The following CRACDL variants were observed in gnomAD, a reference collection of about 807,000 sequenced individuals.
The protein encoded by CRACDL is CRACD like.
CRACDL carries 26 observed loss-of-function variants against 70.6 expected under a neutral mutation model. That is an observed-to-expected ratio of 0.37 (90% CI 0.27 to 0.51). The LOEUF is 0.51. CRACDL is among the 20% of genes least tolerant of loss of function. The probability of loss-of-function intolerance (pLI) is 0.94; values close to 1 mark genes in which losing one functional copy is unlikely to be tolerated. For synonymous variants in CRACDL, 618 were observed against 615.2 expected (o/e 1.00, Z -0.07); for missense variants, 1,283 against 1,376.9 (o/e 0.93, Z 1.08).
rs764549314 is a variant in CRACDL at position 98,827,145 on chromosome 2, C to G, written c.565G>C (p.Val189Leu). ...IKVSVVSPDH[V>L]SDSTVSARIS... ...CGGGCAGAGACGGTGCTGTCGCTCA[C>G]GTGGTCTGGAGACACGACAGAGACC... Residue 189 changes from valine (V) to leucine (L), a missense_variant, in exon 6 of 10, where the codon GTG becomes CTG. By Grantham distance (32) the Val-to-Leu change is conservative. Transcript: ENST00000397899. 6.2e-7 allele frequency: 1 copy of G among 1,614,080 alleles called. No homozygotes were observed. The highest frequency in any genetic ancestry group is 1.7e-5 in the Admixed American group (1 of 60,012).
chr2:98,909,632 C>T (rs1708496182), intron 1 of CRACDL, among the ~76,000 whole-genome samples: 1 of 152,202 alleles, frequency 6.6e-6, no homozygotes, highest in Non-Finnish European at 1.5e-5. Context: ...TGCTGCTGAC[C>T]CGCCTGCTCT....
At chr2:98,836,536 G>C (rs961033546) in intron 3 of CRACDL, among the ~76,000 whole-genome samples, 30 of 152,120 alleles carry the variant, frequency 2.0e-4, no homozygotes, top group African/African-American at 6.8e-4. Flanking sequence ...CCTGTGACAG[G>C]GAGGACATCA....
At chr2:98,879,407 C>G (rs1457000257) in intron 1 of CRACDL, among the ~76,000 whole-genome samples, 1 of 152,148 alleles carries the variant, frequency 6.6e-6, no homozygotes, top group African/African-American at 2.4e-5. Flanking sequence ...TGGGGTTGGC[C>G]TGGTTCGACA....
At chr2:98,885,006 C>T (rs751369122) in intron 1 of CRACDL, among the ~76,000 whole-genome samples, 1 of 152,160 alleles carries the variant, frequency 6.6e-6, no homozygotes, top group Non-Finnish European at 1.5e-5. Context: ...GAACAAGTGA[C>T]CACTGAGTCA....
intron 7 of CRACDL, among the ~76,000 whole-genome samples, chr2:98,804,650 C>T (rs1272883020): frequency 4.6e-5 from 7 of 152,124 alleles, no homozygotes; most frequent in African/African-American, 1.7e-4. Context: ...TGTTCCTAAG[C>T]CCAAGGAGGC....
intron 1 of CRACDL, among the ~76,000 whole-genome samples, chr2:98,863,662 C>G (rs762815100): frequency 1.2e-4 from 18 of 152,152 alleles, no homozygotes; most frequent in Admixed American, 9.8e-4. Context: ...AAGTAATACC[C>G]AGTCAATAGA....
Position 98,932,599 on chromosome 2 carries a change from G to A in CRACDL, c.-11+3339C>T, listed in dbSNP as rs190350507. ...CATGACAGTGGGCCGGGCTGTGTAC[G>A]CAGAAAGCCATTCAATCCCCGCAAC... On this transcript the variant is annotated intron_variant, in intron 1 of 9. Coordinates refer to ENST00000397899, the MANE Select transcript of CRACDL (RefSeq NM_207362.3). 1.2e-4 allele frequency among the ~76,000 whole-genome samples: 18 copies of A among 152,264 alleles called. No homozygotes were observed. The East Asian group carries it at 3.1e-3, about 26-fold the overall frequency.
At chr2:98,902,015 G>GC (rs1708295129) in intron 1 of CRACDL, among the ~76,000 whole-genome samples, 1 of 151,992 alleles carries the variant, frequency 6.6e-6, no homozygotes, top group South Asian at 2.1e-4. Context: ...AGATGGAAGA[G>GC]CCCCCCATGC....
At chr2:98,873,696 T>C (rs1707409926) in intron 1 of CRACDL, among the ~76,000 whole-genome samples, 1 of 152,216 alleles carries the variant, frequency 6.6e-6, no homozygotes, top group South Asian at 2.1e-4. Flanking sequence ...ATTTTGAACA[T>C]CTAGTCTGTT....
At chr2:98,860,244 G>A (rs1240122788) in intron 1 of CRACDL, among the ~76,000 whole-genome samples, 5 of 152,144 alleles carry the variant, frequency 3.3e-5, no homozygotes, top group Admixed American at 2.6e-4. Flanking sequence ...CAGAATCAAT[G>A]CAACCTTTAT....
At chr2:98,878,534 G>A (rs552254885) in intron 1 of CRACDL, among the ~76,000 whole-genome samples, 2 of 152,198 alleles carry the variant, frequency 1.3e-5, no homozygotes, top group Admixed American at 1.3e-4. Context: ...ACCTAAGGAT[G>A]CATTTCTCAG....
rs763226774 is a variant in CRACDL at position 98,823,565 on chromosome 2, G to C, written c.736-28C>G. 7 of 1,541,230 alleles carry C rather than the reference G, an allele frequency of 4.5e-6. No homozygotes were observed. The highest frequency in any genetic ancestry group is 1.2e-5 in the South Asian group (1 of 84,440). ...GAGAGAAATAAAGATAAAAAGCATC[G>C]TCGCTATAGCCAATTCCAGGAAGCC... is the stretch of plus-strand genomic sequence containing the variant. On this transcript the variant is annotated intron_variant, in intron 6 of 9. Transcript: ENST00000397899. This position sits in a 1 kb window ranked among gnomAD's most constrained non-coding sequence, Gnocchi z 4.0.
chr2:98,901,963 C>T (rs1384260924), intron 1 of CRACDL, among the ~76,000 whole-genome samples: 8 of 151,972 alleles, frequency 5.3e-5, no homozygotes, highest in East Asian at 3.9e-4. Flanking sequence ...CAAAGGTGGG[C>T]GCAATGAAGT....
chr2:98,874,231 C>G (rs780326445), intron 1 of CRACDL, among the ~76,000 whole-genome samples: 2 of 152,222 alleles, frequency 1.3e-5, no homozygotes. Flanking sequence ...GCCACAGATA[C>G]GTTCTTTTCT....
intron 1 of CRACDL, among the ~76,000 whole-genome samples, chr2:98,915,306 G>A (rs1558637923): frequency 6.6e-6 from 1 of 152,218 alleles, no homozygotes; most frequent in African/African-American, 2.4e-5. Flanking sequence ...TTCAGCCCTG[G>A]AGGCAGTGCC....
rs368628945 is a variant in CRACDL at position 98,822,989 on chromosome 2, G to C, written c.1284C>G (p.Arg428=). Residue 428 remains arginine (R), a synonymous_variant, in exon 7 of 10, where the codon CGC becomes CGG. Coordinates refer to ENST00000397899, the MANE Select transcript of CRACDL (RefSeq NM_207362.3). This position sits in a 1 kb window ranked among gnomAD's most constrained non-coding sequence, Gnocchi z 4.9. The part of the protein sequence containing the change: ...PAATSEAPSA[R]DGPERSVPKE... ...TCGGGACACTGCGTTCTGGCCCGTC[G>C]CGAGCAGAGGGCGCCTCTGAGGTGG... The C allele has an allele frequency of 9.4e-4, 1,405 of 1,491,348 alleles. No individual in the cohort carries two copies. Among genetic ancestry groups the C allele is most frequent in the Non-Finnish European group, 1.2e-3 (1,328 of 1,120,284 alleles). The allele number at this position is 1,491,348 out of a possible 1,614,324, so 92.4% of individuals were successfully genotyped here.
intron 1 of CRACDL, among the ~76,000 whole-genome samples, chr2:98,894,136 C>G (rs1205669097): frequency 6.6e-6 from 1 of 152,190 alleles, no homozygotes; most frequent in Non-Finnish European, 1.5e-5. Flanking sequence ...CTATATAGTT[C>G]GAATCAGCAA....
intron 3 of CRACDL, among the ~76,000 whole-genome samples, chr2:98,837,322 G>A (rs1705838265): frequency 6.6e-6 from 1 of 151,614 alleles, no homozygotes; most frequent in Admixed American, 6.6e-5. Context: ...GGAGGGGCGA[G>A]AGCAAGAGAG....
Position 98,823,335 on chromosome 2 carries a change from T to C in CRACDL, c.938A>G (p.Gln313Arg). The C allele has an allele frequency of 6.7e-7, 1 of 1,494,668 alleles. No homozygotes were observed. The highest frequency in any genetic ancestry group is 8.8e-7 in the Non-Finnish European group (1 of 1,131,098). The allele number at this position is 1,494,668 out of a possible 1,614,324, so 92.6% of individuals were successfully genotyped here. ...GGARARRARL[Q>R]HSSALTASVE... The stretch of plus-strand genomic sequence containing the variant: ...GCTGGCCGTGAGCGCGGAGGAGTGC[T>C]GCAGGCGGGCGCGTCTGGCACGGGC... The change falls in exon 7 of 10, where the codon CAG becomes CGG. Residue 313 changes from glutamine (Q) to arginine (R), a missense_variant. Transcript: ENST00000397899. This position sits in a 1 kb window ranked among gnomAD's most constrained non-coding sequence, Gnocchi z 4.0.
Sources: gnomAD v4.1 joint callset for allele counts (sites outside exome capture counted in the v4.1 genomes callset) on GRCh38, gnomAD v4.1.1 for gene constraint, Gnocchi (gnomAD v3.1) non-coding constraint, MANE v1.5 for transcripts, NCBI Gene and HGNC (gene_info 2026-07-23, HGNC 2026-07-21) for gene names.